CEP162: variants seen among roughly 807,000 people sequenced by gnomAD.
CEP162 encodes the protein centrosomal protein of 162 kDa.
In CEP162, 141 loss-of-function variants were observed where a neutral mutation model predicts 169.2. The ratio of observed to expected loss-of-function variants is 0.83; its 90% confidence interval spans 0.73 to 0.96. The LOEUF (loss-of-function observed/expected upper bound fraction) is 0.96, where lower values mean the gene tolerates loss of function less well. CEP162 is among the 40% of genes least tolerant of loss of function. The pLI is 0.00. For missense variants in CEP162, 1,600 were observed against 1,587.2 expected (o/e 1.01, Z -0.14); for synonymous variants, 540 against 526.4 (o/e 1.03, Z -0.35).
chr6:84,179,360 G>C (rs2099533757), intron 13 of CEP162, among the ~76,000 whole-genome samples: 1 of 152,136 alleles, frequency 6.6e-6, no homozygotes, highest in Non-Finnish European at 1.5e-5. Context: ...ATTCTAACTG[G>C]TGTGAGATGG....
At chr6:84,184,285 A>T (rs1000523203) in intron 13 of CEP162, among the ~76,000 whole-genome samples, 1 of 152,188 alleles carries the variant, frequency 6.6e-6, no homozygotes, top group African/African-American at 2.4e-5. Flanking sequence ...AGCAAAGCAA[A>T]AATGTTCTTG....
rs773740167 is a variant in CEP162 at position 84,174,822 on chromosome 6, C to T, written c.1930G>A (p.Glu644Lys). 11 of 1,601,112 alleles carry T rather than the reference C, an allele frequency of 6.9e-6. No individual in the cohort carries two copies. Among genetic ancestry groups the T allele is most frequent in the Non-Finnish European group, 9.4e-6 (11 of 1,171,792 alleles). Reference sequence around the variant, plus strand: ...TCCAACTTATTTTCTAGTTCTTTCTCCTTTTCTGAGAATGTGGCTTTAATT... The same window carrying T: ...TCCAACTTATTTTCTAGTTCTTTCTTCTTTTCTGAGAATGTGGCTTTAATT... ...EQIKATFSEK[E>K]KELENKLEEL... Residue 644 changes from glutamate to lysine, a missense_variant, in exon 15 of 27, where the codon GAG becomes AAG. Transcript: ENST00000403245.
At chr6:84,217,438 G>A (rs1314535164) in intron 3 of CEP162, among the ~76,000 whole-genome samples, 1 of 152,136 alleles carries the variant, frequency 6.6e-6, no homozygotes, top group Non-Finnish European at 1.5e-5. Context: ...GAATACATGG[G>A]GGAAGAGTGT....
chr6:84,195,995 C>T lies in CEP162; in HGVS notation c.836-920G>A, dbSNP rs142975354. On this transcript the variant is annotated intron_variant, in intron 9 of 26. Coordinates refer to ENST00000403245, the MANE Select transcript of CEP162 (RefSeq NM_014895.4). ...ATTATATTCCCTACTAAAACTTGTT[C>T]TACTACCAGTATTTCCTAATCACAT... 6.1e-3 allele frequency among the ~76,000 whole-genome samples: 926 copies of T among 152,314 alleles called. 5 individuals are homozygous for T. Among genetic ancestry groups the T allele is most frequent in the Non-Finnish European group, 8.3e-3 (567 of 68,032 alleles).
chr6:84,179,365 A>C (rs1481122761), intron 13 of CEP162, among the ~76,000 whole-genome samples: 1 of 152,158 alleles, frequency 6.6e-6, no homozygotes, highest in Non-Finnish European at 1.5e-5. Context: ...AACTGGTGTG[A>C]GATGGTATCT....
chr6:84,140,802 A>G (rs999948055), intron 25 of CEP162, among the ~76,000 whole-genome samples: 1 of 152,166 alleles, frequency 6.6e-6, no homozygotes, highest in African/African-American at 2.4e-5. Flanking sequence ...TAGGATTTAC[A>G]GGCGTGAGTC....
chr6:84,156,990 TAAAA>T (rs1166965621), intron 21 of CEP162, among the ~76,000 whole-genome samples: 2 of 152,206 alleles, frequency 1.3e-5, no homozygotes, highest in East Asian at 3.9e-4. Context: ...GGGTGAGGGC[TAAAA>T]AATTACCTAC....
intron 17 of CEP162, 39 bp downstream of exon 17, chr6:84,171,567 C>T (rs942532773): frequency 1.1e-5 from 8 of 735,936 alleles, no homozygotes; most frequent in Non-Finnish European, 1.7e-5. Flanking sequence ...TTGAAATAGT[C>T]TAAGTATATT....
intron 21 of CEP162, among the ~76,000 whole-genome samples, chr6:84,155,905 A>C (rs559525618): frequency 6.6e-6 from 1 of 152,318 alleles, no homozygotes; most frequent in South Asian, 2.1e-4. Flanking sequence ...GGAACCAAAA[A>C]AGAGGCTGAA....
At chr6:84,182,502 A>G (rs182621137) in intron 13 of CEP162, among the ~76,000 whole-genome samples, 15 of 152,074 alleles carry the variant, frequency 9.9e-5, no homozygotes, top group Non-Finnish European at 2.9e-5. Context: ...CTATTAATAA[A>G]TATCTAATTC....
Position 84,215,459 on chromosome 6 carries a change from A to C in CEP162, c.326T>G (p.Val109Gly). ...ACTACTATGGTTGAGCTCAGAAACT[A>C]CTAGTTCTAAATGGAAAGCACAAAT... ...STDSLETNEL[V>G]VSELNHSSLG... is the part of the protein sequence containing the mutation. The change falls in exon 5 of 27, where the codon GTA becomes GGA. Residue 109 changes from valine (V) to glycine (G), a missense_variant. Transcript: ENST00000403245. 6.4e-7 allele frequency: 1 copy of C among 1,574,410 alleles called. No homozygotes were observed. Among genetic ancestry groups the C allele is most frequent in the Non-Finnish European group, 8.6e-7 (1 of 1,163,788 alleles).
intron 19 of CEP162, among the ~76,000 whole-genome samples, chr6:84,162,544 C>T (rs62449296): frequency 0.043 from 6,508 of 152,244 alleles, 197 homozygotes; most frequent in Admixed American, 0.086. Context: ...TTCTGCCACT[C>T]TAAGTTATAG....
At chr6:84,183,194 A>G (rs1163079535) in intron 13 of CEP162, among the ~76,000 whole-genome samples, 2 of 152,120 alleles carry the variant, frequency 1.3e-5, no homozygotes, top group African/African-American at 4.8e-5. Context: ...ATACAATTTT[A>G]AAATATGAAA....
intron 13 of CEP162, among the ~76,000 whole-genome samples, chr6:84,182,212 G>A (rs971375869): frequency 6.6e-6 from 1 of 151,936 alleles, no homozygotes; most frequent in Non-Finnish European, 1.5e-5. Flanking sequence ...GAGATGCATG[G>A]AATCTGCTCA....
chr6:84,178,905 G>A (rs1041985873), intron 13 of CEP162, among the ~76,000 whole-genome samples: 41 of 152,092 alleles, frequency 2.7e-4, no homozygotes, highest in Admixed American at 2.4e-3. Context: ...GTGAGAACAT[G>A]CAGTGTTTGG....
chr6:84,218,068 T>C (rs907869596), intron 3 of CEP162, among the ~76,000 whole-genome samples: 3 of 152,218 alleles, frequency 2.0e-5, no homozygotes, highest in South Asian at 2.1e-4. Flanking sequence ...GAATTACAAC[T>C]CTGCTTTGAA....
rs563258795 is a variant in CEP162 at position 84,203,841 on chromosome 6, T to G, written c.687+140A>C. 3 of 423,530 alleles carry G rather than the reference T, an allele frequency of 7.1e-6. No individual in the cohort carries two copies. In the Admixed American group the frequency reaches 1.3e-4, roughly 18 times the overall value. The allele number at this position is 423,530 out of a possible 1,614,324, so 26.2% of individuals were successfully genotyped here. A position where few individuals can be genotyped will look rare whatever the true frequency, so the allele number is the denominator to read the frequency against. ...ATCTTGAGTTAAGAAAATGTTTAAC[T>G]GAGTATTAGGAGACCTGTAAGTTTA... On this transcript the variant is annotated intron_variant, in intron 7 of 26. Coordinates refer to ENST00000403245, the MANE Select transcript of CEP162 (RefSeq NM_014895.4).
Position 84,218,939 on chromosome 6 carries a change from A to G in CEP162, c.172+2118T>C, listed in dbSNP as rs572299760. Among the ~76,000 whole-genome samples the G allele has an allele frequency of 1.6e-4, 24 of 152,362 alleles. No homozygotes were observed. In the East Asian group the frequency reaches 4.2e-3, roughly 27 times the overall value. On this transcript the variant is annotated intron_variant, in intron 3 of 26. Coordinates refer to ENST00000403245, the MANE Select transcript of CEP162 (RefSeq NM_014895.4). Reference sequence around the variant, plus strand: ...CTAACCAAGTTCACAAGAGATTAATATAACAGAAACGAAGATCCAGTTTAG... The same window carrying G: ...CTAACCAAGTTCACAAGAGATTAATGTAACAGAAACGAAGATCCAGTTTAG...
At chr6:84,164,688 A>G (rs918741340) in intron 18 of CEP162, among the ~76,000 whole-genome samples, 2 of 152,008 alleles carry the variant, frequency 1.3e-5, no homozygotes, top group African/African-American at 2.4e-5. Flanking sequence ...ACACAAGGGT[A>G]CCTGTCGGGG....
Sources: allele counts gnomAD v4.1 joint callset (sites outside exome capture counted in the v4.1 genomes callset), GRCh38; gene constraint gnomAD v4.1.1; transcripts MANE v1.5; gene names NCBI Gene and HGNC (gene_info 2026-07-23, HGNC 2026-07-21).